PKHD1: variants seen among roughly 807,000 people sequenced by gnomAD.
PKHD1 encodes the protein PKHD1 ciliary IPT domain containing fibrocystin/polyductin.
In PKHD1, 291 loss-of-function variants were observed where a neutral mutation model predicts 412.0. The observed-to-expected ratio is 0.71, with a 90% CI of 0.64 to 0.78. The LOEUF is 0.78. Among genes scored for constraint, PKHD1 ranks in the 30% least tolerant of loss-of-function variants. The pLI is 0.00. For synonymous variants in PKHD1, 1,777 were observed against 1,821.5 expected (o/e 0.98, Z 0.62); for missense variants, 4,825 against 4,950.7 (o/e 0.97, Z 0.76).
At chr6:52,049,102 A>T (rs1238546892) in intron 22 of PKHD1, among the ~76,000 whole-genome samples, 1 of 152,184 alleles carries the variant, frequency 6.6e-6, no homozygotes, top group Non-Finnish European at 1.5e-5. Flanking sequence ...GCATCACTTA[A>T]CAGTGAGGAT....
intron 61 of PKHD1, among the ~76,000 whole-genome samples, chr6:51,656,273 T>A (rs1771833646): frequency 6.6e-6 from 1 of 152,082 alleles, no homozygotes; most frequent in African/African-American, 2.4e-5. Flanking sequence ...TTCTCACTCA[T>A]AAGTGGGAGT....
chr6:51,981,929 C>CCGCCCAT (rs1249215527), intron 35 of PKHD1, among the ~76,000 whole-genome samples: 2 of 89,574 alleles, frequency 2.2e-5, no homozygotes, highest in East Asian at 6.5e-4. Context: ...CTCTGCCCGG[C>CCGCCCAT]CGCCCATCGT....
intron 52 of PKHD1, among the ~76,000 whole-genome samples, chr6:51,815,128 C>T (rs754950493): frequency 6.6e-6 from 1 of 152,112 alleles, no homozygotes; most frequent in Non-Finnish European, 1.5e-5. Flanking sequence ...TTCCAAAAGT[C>T]CTGGAAATAC....
intron 35 of PKHD1, among the ~76,000 whole-genome samples, chr6:51,981,416 C>A (rs866599110): frequency 6.7e-6 from 1 of 148,860 alleles, no homozygotes; most frequent in Non-Finnish European, 1.5e-5. Flanking sequence ...GACGGTGCTG[C>A]TGCCATCTCG....
chr6:51,640,936 A>C (rs1474606230), intron 63 of PKHD1, among the ~76,000 whole-genome samples: 1 of 152,184 alleles, frequency 6.6e-6, no homozygotes, highest in East Asian at 1.9e-4. Flanking sequence ...AAGAATATGA[A>C]GTTAAATTGC....
In PKHD1 at chr6:51,664,760, G is replaced by A. The variant is rs540331161; in HGVS notation, c.10157-4791C>T. Among the ~76,000 whole-genome samples, 4 of 152,222 alleles carry A rather than the reference G, an allele frequency of 2.6e-5. No individual in the cohort carries two copies. The South Asian group carries it at 8.3e-4, about 32-fold the overall frequency. On this transcript the variant is annotated intron_variant, in intron 60 of 66. Coordinates refer to ENST00000371117, the MANE Select transcript of PKHD1 (RefSeq NM_138694.4). ...TCCTGATTGCAAAGGAACTAGTGCA[G>A]TGCCAATTACACGCATTATTTTTAT...
chr6:51,993,316 C>T (rs1228035953), intron 35 of PKHD1, among the ~76,000 whole-genome samples: 1 of 152,216 alleles, frequency 6.6e-6, no homozygotes, highest in East Asian at 1.9e-4. Flanking sequence ...CTATAATCAG[C>T]ATCTTTTACA....
intron 52 of PKHD1, among the ~76,000 whole-genome samples, chr6:51,818,487 T>A (rs1043276314): frequency 1.3e-5 from 2 of 152,204 alleles, no homozygotes; most frequent in African/African-American, 4.8e-5. Context: ...TTGACTCTAC[T>A]GTCTCTGTTA....
chr6:52,069,819 A>G (rs1237378942), intron 10 of PKHD1, among the ~76,000 whole-genome samples: 1 of 152,214 alleles, frequency 6.6e-6, no homozygotes, highest in Non-Finnish European at 1.5e-5. Flanking sequence ...TCAATACTCA[A>G]TAGACATTAA....
At chr6:51,767,950 C>T (rs1006537981) in intron 55 of PKHD1, among the ~76,000 whole-genome samples, 4 of 152,072 alleles carry the variant, frequency 2.6e-5, no homozygotes, top group Non-Finnish European at 5.9e-5. Flanking sequence ...AAAAGTGTTC[C>T]TATTTCTCCA....
chr6:51,760,469 GA>G (rs1466272274), intron 55 of PKHD1, among the ~76,000 whole-genome samples: 3 of 152,084 alleles, frequency 2.0e-5, no homozygotes, highest in African/African-American at 7.2e-5. Context: ...CAGATGATGG[GA>G]AAATTTGTAG....
chr6:51,936,851 T>C (rs753289493), intron 36 of PKHD1, among the ~76,000 whole-genome samples: 4 of 152,118 alleles, frequency 2.6e-5, no homozygotes, highest in Non-Finnish European at 4.4e-5. Flanking sequence ...ACATGACAGA[T>C]AGCCGGCCCT....
At chr6:51,869,706 T>C (rs1775668765) in intron 47 of PKHD1, among the ~76,000 whole-genome samples, 1 of 152,108 alleles carries the variant, frequency 6.6e-6, no homozygotes, top group African/African-American at 2.4e-5. Context: ...ATGAGGCATT[T>C]TTATTTCTAT....
intron 55 of PKHD1, among the ~76,000 whole-genome samples, chr6:51,758,014 AAGAGAGAGAGAGAGAGAGAGAG>A (rs10534219): frequency 3.2e-5 from 4 of 126,128 alleles, no homozygotes; most frequent in Admixed American, 7.9e-5. Flanking sequence ...ACCCTGCCAA[AAGAGAGAGAGAGAGAGAGAGAG>A]AGAGAGAGAG....
At chr6:51,896,024 C>G (rs1459863807) in intron 43 of PKHD1, among the ~76,000 whole-genome samples, 4 of 152,294 alleles carry the variant, frequency 2.6e-5, no homozygotes, top group African/African-American at 9.6e-5. Flanking sequence ...CCTATGCCCA[C>G]GGAGTCTCGC....
chr6:52,030,637 T>C (rs1802899592), intron 29 of PKHD1, among the ~76,000 whole-genome samples: 1 of 148,702 alleles, frequency 6.7e-6, no homozygotes, highest in African/African-American at 2.5e-5. Flanking sequence ...GCAACAGTAT[T>C]GGGCCACCAT....
At chr6:51,678,102 C>A (rs1013481022) in intron 60 of PKHD1, among the ~76,000 whole-genome samples, 3 of 152,020 alleles carry the variant, frequency 2.0e-5, no homozygotes, top group Non-Finnish European at 4.4e-5. Context: ...TGAAAACAGC[C>A]CAGGCAAATT....
chr6:51,794,047 C>CTTTTT (rs58801569), intron 52 of PKHD1, among the ~76,000 whole-genome samples: 7 of 124,136 alleles, frequency 5.6e-5, no homozygotes, highest in African/African-American at 2.1e-4. Flanking sequence ...TGCTTTTTGA[C>CTTTTT]TTTTTTTTTT....
chr6:52,044,906 T>C, intron 25 of PKHD1, 60 bp downstream of exon 25: 5 of 1,590,954 alleles, frequency 3.1e-6, no homozygotes, highest in South Asian at 2.2e-5. Flanking sequence ...TACAAATCAG[T>C]GAGGAGTGAG....
Sources: allele counts gnomAD v4.1 joint callset (sites outside exome capture counted in the v4.1 genomes callset), GRCh38; gene constraint gnomAD v4.1.1; transcripts MANE v1.5; gene names NCBI Gene and HGNC (gene_info 2026-07-23, HGNC 2026-07-21).